The following AFG2A variants were observed in gnomAD, a reference collection of about 807,000 sequenced individuals.
AFG2A encodes ATPase family gene 2 protein homolog A.
At chr4:123,013,936 A>G in the AFG2A span, among the ~76,000 whole-genome samples, 2 of 152,236 alleles carry the variant, frequency 1.3e-5, no homozygotes, top group Non-Finnish European at 2.9e-5. Flanking sequence ...AATTATCAAG[A>G]AAAGTAATCA....
chr4:123,277,253 AT>A, the AFG2A span, among the ~76,000 whole-genome samples: 1 of 152,104 alleles, frequency 6.6e-6, no homozygotes, highest in Non-Finnish European at 1.5e-5. Flanking sequence ...TGTGAGTGGG[AT>A]TGCATTCCAG....
At chr4:123,233,202 AC>A in the AFG2A span, among the ~76,000 whole-genome samples, 1 of 151,766 alleles carries the variant, frequency 6.6e-6, no homozygotes, top group East Asian at 1.9e-4. Context: ...AAGTTTTCAA[AC>A]TCTTTTTTAA....
chr4:123,095,056 T>A, the AFG2A span, among the ~76,000 whole-genome samples: 3 of 52,016 alleles, frequency 5.8e-5, no homozygotes, highest in South Asian at 9.7e-4. Context: ...TATATATATA[T>A]ATATATATAT....
chr4:123,141,332 G>A, the AFG2A span, among the ~76,000 whole-genome samples: 146 of 152,244 alleles, frequency 9.6e-4, 1 homozygote, highest in South Asian at 9.8e-3. Context: ...GCATGGTGGC[G>A]TGGGCCTGTA....
the AFG2A span, among the ~76,000 whole-genome samples, chr4:123,188,984 G>T: frequency 6.6e-6 from 1 of 152,326 alleles, no homozygotes; most frequent in East Asian, 1.9e-4. Flanking sequence ...AAGCAACTGG[G>T]TGTTGGGACA....
chr4:123,203,345 C>T, the AFG2A span, among the ~76,000 whole-genome samples: 1,855 of 151,692 alleles, frequency 0.012, 33 homozygotes, highest in African/African-American at 0.04. Flanking sequence ...TTATTTGAGA[C>T]GGAATCTTGC....
chr4:123,295,931 G>A, the AFG2A span, among the ~76,000 whole-genome samples: 1 of 152,184 alleles, frequency 6.6e-6, no homozygotes, highest in Non-Finnish European at 1.5e-5. Context: ...AAAAGATAAA[G>A]CAGAGAAAAG....
At chr4:123,051,850 C>T in the AFG2A span, among the ~76,000 whole-genome samples, 1 of 151,756 alleles carries the variant, frequency 6.6e-6, no homozygotes, top group Non-Finnish European at 1.5e-5. Context: ...GTTTCTTTTC[C>T]TTTGCTGCTT....
the AFG2A span, among the ~76,000 whole-genome samples, chr4:123,046,491 C>T: frequency 0.83 from 126,712 of 152,164 alleles, 53,926 homozygotes; most frequent in East Asian, 0.97. Context: ...ATGAGCTACG[C>T]ATTTATTTTT....
the AFG2A span, among the ~76,000 whole-genome samples, chr4:123,131,701 C>A: frequency 1.3e-5 from 2 of 152,076 alleles, no homozygotes; most frequent in Admixed American, 1.3e-4. Context: ...TATGTATATA[C>A]CACATCTTGT....
chr4:123,174,431 C>T, the AFG2A span, among the ~76,000 whole-genome samples: 2 of 152,094 alleles, frequency 1.3e-5, no homozygotes, highest in Non-Finnish European at 2.9e-5. Flanking sequence ...TATAATAAGA[C>T]TTTTGGGGAG....
chr4:123,216,235 A>G, the AFG2A span, among the ~76,000 whole-genome samples: 1 of 152,152 alleles, frequency 6.6e-6, no homozygotes, highest in East Asian at 1.9e-4. Flanking sequence ...AGACATCACC[A>G]TATTATGCTT....
chr4:123,060,401 A>G, the AFG2A span, among the ~76,000 whole-genome samples: 3 of 152,226 alleles, frequency 2.0e-5, no homozygotes, highest in Non-Finnish European at 1.5e-5. Flanking sequence ...CTGCCTGAAC[A>G]TCCAGGGATT....
the AFG2A span, among the ~76,000 whole-genome samples, chr4:123,005,421 C>T: frequency 6.6e-6 from 1 of 152,162 alleles, no homozygotes; most frequent in African/African-American, 2.4e-5. Context: ...TTTCAAAGTG[C>T]TGGAATTACA....
At chr4:123,284,801 G>T in the AFG2A span, among the ~76,000 whole-genome samples, 1 of 152,100 alleles carries the variant, frequency 6.6e-6, no homozygotes, top group Non-Finnish European at 1.5e-5. Flanking sequence ...AGGATTTTTG[G>T]ATTCTCTGTC....
the AFG2A span, among the ~76,000 whole-genome samples, chr4:123,305,259 G>A: frequency 9.5e-4 from 144 of 152,222 alleles, no homozygotes; most frequent in Middle Eastern, 3.4e-3. Context: ...TCTCTGAGAG[G>A]CAGTTAAGAA....
chr4:123,109,552 A>T, the AFG2A span, among the ~76,000 whole-genome samples: 1 of 152,198 alleles, frequency 6.6e-6, no homozygotes, highest in Non-Finnish European at 1.5e-5. Context: ...TATCTGAAGC[A>T]ATAATAATAT....
At chr4:122,949,299 G>C in the AFG2A span, among the ~76,000 whole-genome samples, 1 of 152,202 alleles carries the variant, frequency 6.6e-6, no homozygotes, top group African/African-American at 2.4e-5. Context: ...AGTGGGGAGT[G>C]ACATTAACTT....
chr4:122,947,517 T>A, the AFG2A span: 1 of 1,529,164 alleles, frequency 6.5e-7, no homozygotes, highest in Admixed American at 1.9e-5. Flanking sequence ...GGTGAGTCTC[T>A]ATTGATGCAC....
Sources: gnomAD v4.1 joint callset for allele counts (sites outside exome capture counted in the v4.1 genomes callset) on GRCh38, gnomAD v4.1.1 for gene constraint, MANE v1.5 for transcripts, NCBI Gene and HGNC (gene_info 2026-07-23, HGNC 2026-07-21) for gene names.